CFAP141: variants seen among roughly 807,000 people sequenced by gnomAD.
The protein encoded by CFAP141 is cilia- and flagella-associated protein 141.
chr1:154,206,228 A>C, the CFAP141 span: 2 of 1,579,246 alleles, frequency 1.3e-6, no homozygotes, highest in Non-Finnish European at 1.7e-6. Flanking sequence ...ATTGATCTGG[A>C]AACTTCATCA....
At chr1:154,204,215 G>C in the CFAP141 span, among the ~76,000 whole-genome samples, 2 of 152,018 alleles carry the variant, frequency 1.3e-5, 1 homozygote, top group South Asian at 4.2e-4. Flanking sequence ...CAGTTCAATG[G>C]ATATGTAAAT....
the CFAP141 span, among the ~76,000 whole-genome samples, chr1:154,202,442 T>C: frequency 6.6e-6 from 1 of 152,200 alleles, no homozygotes; most frequent in Non-Finnish European, 1.5e-5. Flanking sequence ...ATATCTACTG[T>C]TGGCATTTTT....
chr1:154,200,331 T>A, the CFAP141 span: 2 of 952,152 alleles, frequency 2.1e-6, no homozygotes, highest in Non-Finnish European at 3.2e-6. Flanking sequence ...TGCTCTGGTG[T>A]AATGCTGAAA....
At chr1:154,205,323 C>T in the CFAP141 span, among the ~76,000 whole-genome samples, 1 of 152,232 alleles carries the variant, frequency 6.6e-6, no homozygotes, top group East Asian at 1.9e-4. Context: ...TACTTGAATT[C>T]TTGATAAAAA....
the CFAP141 span, among the ~76,000 whole-genome samples, chr1:154,203,064 TGAGCCGA>T: frequency 6.9e-6 from 1 of 145,450 alleles, no homozygotes; most frequent in African/African-American, 2.5e-5. Flanking sequence ...GAGGCTGCAG[TGAGCCGA>T]GATTGCACCA....
chr1:154,199,913 G>T, the CFAP141 span, among the ~76,000 whole-genome samples: 1 of 152,124 alleles, frequency 6.6e-6, no homozygotes, highest in African/African-American at 2.4e-5. Flanking sequence ...GTCTTACGTT[G>T]TAGCCCAGGC....
chr1:154,201,506 GCC>G, the CFAP141 span, among the ~76,000 whole-genome samples: 1 of 151,010 alleles, frequency 6.6e-6, no homozygotes, highest in Admixed American at 6.6e-5. Flanking sequence ...TCCTGCCTCA[GCC>G]TCCTGAGTCG....
At chr1:154,205,847 G>A in the CFAP141 span, among the ~76,000 whole-genome samples, 1 of 152,098 alleles carries the variant, frequency 6.6e-6, no homozygotes, top group Non-Finnish European at 1.5e-5. Context: ...GAGATTATAG[G>A]AATGCACCAC....
chr1:154,204,734 A>AT, the CFAP141 span, among the ~76,000 whole-genome samples: 4 of 124,546 alleles, frequency 3.2e-5, no homozygotes, highest in Admixed American at 3.2e-4. Flanking sequence ...GCTAATTTTA[A>AT]TTTTTTTGGT....
chr1:154,202,145 C>A, the CFAP141 span, among the ~76,000 whole-genome samples: 1 of 152,134 alleles, frequency 6.6e-6, no homozygotes, highest in South Asian at 2.1e-4. Flanking sequence ...ACCATGTTGG[C>A]CAGGCTGGTC....
chr1:154,200,747 A>G, the CFAP141 span, among the ~76,000 whole-genome samples: 9 of 152,172 alleles, frequency 5.9e-5, no homozygotes, highest in East Asian at 1.5e-3. Context: ...CAGTGGTGCA[A>G]TCTTGGCTCA....
the CFAP141 span, chr1:154,199,478 G>C: frequency 6.2e-7 from 1 of 1,613,348 alleles, no homozygotes; most frequent in Admixed American, 1.7e-5. Context: ...GTTCCTGCTG[G>C]TACTGCTGAT....
chr1:154,201,063 G>A, the CFAP141 span, among the ~76,000 whole-genome samples: 1 of 152,148 alleles, frequency 6.6e-6, no homozygotes, highest in Non-Finnish European at 1.5e-5. Flanking sequence ...TTAGAACCTA[G>A]TATGTATTAA....
chr1:154,205,473 C>T, the CFAP141 span: 2 of 870,328 alleles, frequency 2.3e-6, no homozygotes, highest in Non-Finnish European at 3.9e-6. Flanking sequence ...CTCACCCCTT[C>T]CGCATCTGTT....
chr1:154,200,181 G>T, the CFAP141 span, among the ~76,000 whole-genome samples: 2 of 152,180 alleles, frequency 1.3e-5, no homozygotes, highest in African/African-American at 4.8e-5. Context: ...GATCTAAGAG[G>T]CAGTTTTGAG....
the CFAP141 span, among the ~76,000 whole-genome samples, chr1:154,200,112 C>T: frequency 3.3e-5 from 5 of 152,052 alleles, no homozygotes; most frequent in Admixed American, 6.6e-5. Context: ...TGGGCTCAAG[C>T]GATCTGCCCG....
At chr1:154,205,923 G>A in the CFAP141 span, among the ~76,000 whole-genome samples, 2 of 151,952 alleles carry the variant, frequency 1.3e-5, no homozygotes, top group Non-Finnish European at 2.9e-5. Flanking sequence ...GGCTAGTCTC[G>A]AACTCCTGAC....
the CFAP141 span, chr1:154,200,518 G>C: frequency 6.2e-7 from 1 of 1,614,066 alleles, no homozygotes; most frequent in Admixed American, 1.7e-5. Context: ...TGCATCCTTA[G>C]GGTGGCATAC....
the CFAP141 span, among the ~76,000 whole-genome samples, chr1:154,201,129 T>C: frequency 0.015 from 2,318 of 152,172 alleles, 52 homozygotes; most frequent in African/African-American, 0.053. Context: ...GTTATTTTAT[T>C]TATTTATTTA....
Sources: gnomAD v4.1 joint callset for allele counts (sites outside exome capture counted in the v4.1 genomes callset) on GRCh38, gnomAD v4.1.1 for gene constraint, MANE v1.5 for transcripts, NCBI Gene and HGNC (gene_info 2026-07-23, HGNC 2026-07-21) for gene names.